Variants in PCDH15 observed in about 807,000 individuals in gnomAD.
PCDH15 encodes the protein protocadherin-15.
PCDH15 carries 129 observed loss-of-function variants against 178.5 expected under a neutral mutation model. The observed-to-expected ratio is 0.72, with a 90% CI of 0.63 to 0.84. The LOEUF (loss-of-function observed/expected upper bound fraction) is 0.84. PCDH15 is among the 40% of genes least tolerant of loss of function. The pLI is 0.00. For synonymous variants in PCDH15, 800 were observed against 732.0 expected (o/e 1.09, Z -1.50); for missense variants, 2,230 against 2,099.9 (o/e 1.06, Z -1.21).
intron 2 of PCDH15, among the ~76,000 whole-genome samples, chr10:55,610,399 G>A (rs576203050): frequency 1.8e-4 from 27 of 152,086 alleles, no homozygotes; most frequent in Middle Eastern, 3.4e-3. Flanking sequence ...TGACAGAAAG[G>A]AGACAAAGCT....
rs141694144 is a variant in PCDH15 at position 54,615,438 on chromosome 10, A to C, written c.91+48734T>G. ...TCAAGAGTTAATCCAACGGATGTGC[A>C]TAGATTGAAGAAATAAGTCCAAGAA... On this transcript the variant is annotated intron_variant, in intron 2 of 37. Coordinates refer to ENST00000644397, the MANE Select transcript of PCDH15 (RefSeq NM_001384140.1). Among the ~76,000 whole-genome samples the C allele has an allele frequency of 3.9e-3, 600 of 152,228 alleles. 3 individuals are homozygous for C. The highest frequency in any genetic ancestry group is 0.014 in the African/African-American group (567 of 41,566).
chr10:54,310,345 C>T lies in PCDH15; in HGVS notation c.876+6926G>A, dbSNP rs530367684. ...GTTAGAGGAGTGAGAGACTGGAGGC[C>T]GGATGCCGAGTTTAGAGTATGTCTT... On this transcript the variant is annotated intron_variant, in intron 8 of 37. Coordinates refer to ENST00000644397, the MANE Select transcript of PCDH15 (RefSeq NM_001384140.1). Among the ~76,000 whole-genome samples, 116 of 152,104 alleles carry T rather than the reference C, an allele frequency of 7.6e-4. 1 individual carries two copies. The highest frequency in any genetic ancestry group is 2.5e-3 in the African/African-American group (103 of 41,520).
intron 1 of PCDH15, among the ~76,000 whole-genome samples, chr10:54,794,240 G>T (rs1016543888): frequency 5.8e-4 from 87 of 150,530 alleles, no homozygotes; most frequent in African/African-American, 2.1e-3. Context: ...CTTTGCTTTG[G>T]CATTTTCTCA....
intron 23 of PCDH15, among the ~76,000 whole-genome samples, chr10:53,943,748 C>A (rs1418805102): frequency 6.6e-6 from 1 of 152,102 alleles, no homozygotes; most frequent in African/African-American, 2.4e-5. Context: ...TAACCTTTGT[C>A]TTAATTGTTC....
chr10:54,738,886 C>A (rs1944439455), intron 1 of PCDH15, among the ~76,000 whole-genome samples: 1 of 151,828 alleles, frequency 6.6e-6, no homozygotes, highest in Non-Finnish European at 1.5e-5. Context: ...AAACACCTAA[C>A]AAACTAAGTA....
At chr10:53,896,170 C>T (rs1285488886) in intron 26 of PCDH15, among the ~76,000 whole-genome samples, 3 of 151,728 alleles carry the variant, frequency 2.0e-5, no homozygotes, top group Non-Finnish European at 4.4e-5. Context: ...TGACATTTCA[C>T]AGTTCTCAGA....
intron 8 of PCDH15, among the ~76,000 whole-genome samples, chr10:54,244,198 G>A (rs1002129428): frequency 1.3e-5 from 2 of 152,072 alleles, no homozygotes; most frequent in African/African-American, 2.4e-5. Context: ...TACCAAGTAT[G>A]TGTAAATTTA....
intron 8 of PCDH15, among the ~76,000 whole-genome samples, chr10:54,298,619 G>T (rs543567024): frequency 1.2e-3 from 184 of 152,330 alleles, no homozygotes; most frequent in African/African-American, 4.4e-3. Context: ...GAGGGCAAAG[G>T]TTCTCTGGGC....
intron 1 of PCDH15, among the ~76,000 whole-genome samples, chr10:54,671,116 A>G (rs1447602727): frequency 2.0e-5 from 3 of 152,144 alleles, no homozygotes; most frequent in Non-Finnish European, 4.4e-5. Context: ...CCCAAACATT[A>G]TTTCATCAGT....
At chr10:54,442,590 G>T (rs2075897229) in intron 3 of PCDH15, among the ~76,000 whole-genome samples, 2 of 148,032 alleles carry the variant, frequency 1.4e-5, no homozygotes, top group Non-Finnish European at 3.0e-5. Flanking sequence ...GTTAGTAGTT[G>T]CCTTTCTTCA....
At chr10:55,192,546 G>C (rs72801694) in intron 1 of PCDH15, among the ~76,000 whole-genome samples, 1 of 151,072 alleles carries the variant, frequency 6.6e-6, no homozygotes, top group African/African-American at 2.4e-5. Context: ...GCAATGTTTT[G>C]GATATTGAAA....
chr10:54,795,742 A>G (rs1281494979), intron 1 of PCDH15, among the ~76,000 whole-genome samples: 2 of 151,920 alleles, frequency 1.3e-5, no homozygotes, highest in Non-Finnish European at 2.9e-5. Context: ...TAGCTTATCA[A>G]TATTAAATTA....
chr10:54,490,935 G>C (rs2079533905), intron 3 of PCDH15, among the ~76,000 whole-genome samples: 1 of 152,146 alleles, frequency 6.6e-6, no homozygotes, highest in South Asian at 2.1e-4. Context: ...TGTTACTCCA[G>C]ATGCATTAGC....
chr10:53,962,150 T>A (rs568129815), intron 21 of PCDH15, among the ~76,000 whole-genome samples: 12 of 152,304 alleles, frequency 7.9e-5, no homozygotes, highest in Non-Finnish European at 1.8e-4. Flanking sequence ...GCTTTGGGCA[T>A]CTTCTCTACC....
intron 26 of PCDH15, among the ~76,000 whole-genome samples, chr10:53,888,317 TGTAC>T (rs1427608016): frequency 2.8e-5 from 3 of 106,396 alleles, no homozygotes; most frequent in Non-Finnish European, 5.2e-5. Flanking sequence ...TATGTATATA[TGTAC>T]GTATATATAT....
intron 2 of PCDH15, among the ~76,000 whole-genome samples, chr10:55,389,547 AGTT>A (rs953491329): frequency 2.0e-5 from 3 of 152,198 alleles, no homozygotes; most frequent in East Asian, 3.8e-4. Context: ...AAATATGTGG[AGTT>A]GTTAACAGAA....
intron 8 of PCDH15, among the ~76,000 whole-genome samples, chr10:54,257,403 CTTTTTTTT>C (rs71461225): frequency 3.2e-5 from 4 of 126,024 alleles, no homozygotes; most frequent in African/African-American, 1.2e-4. Context: ...GAATTGTCTT[CTTTTTTTT>C]TTTTTTTTTG....
intron 2 of PCDH15, among the ~76,000 whole-genome samples, chr10:55,143,492 TTTAGA>T (rs1378182358): frequency 2.0e-5 from 3 of 152,176 alleles, no homozygotes; most frequent in Admixed American, 6.6e-5. Flanking sequence ...CTATCAATAC[TTTAGA>T]TTAACTTTAT....
intron 2 of PCDH15, among the ~76,000 whole-genome samples, chr10:55,556,931 G>A (rs543130451): frequency 6.6e-6 from 1 of 152,142 alleles, no homozygotes; most frequent in Admixed American, 6.5e-5. Context: ...TTGTGTATTT[G>A]CTCTTTATTG....
Sources: allele counts gnomAD v4.1 joint callset (sites outside exome capture counted in the v4.1 genomes callset), GRCh38; gene constraint gnomAD v4.1.1; transcripts MANE v1.5; gene names NCBI Gene and HGNC (gene_info 2026-07-23, HGNC 2026-07-21).